PHF19: variants seen among roughly 807,000 people sequenced by gnomAD.
PHF19 encodes the protein PHD finger protein 19, also known as polycomb like 3.
Under a neutral mutation model 79.8 loss-of-function variants are expected in PHF19, and 21 were observed. The observed-to-expected ratio is 0.26, with a 90% CI of 0.19 to 0.38. PHF19 has a LOEUF of 0.38. Ranked by LOEUF, PHF19 falls within the 10% of genes least tolerant of loss-of-function variation. The probability of loss-of-function intolerance (pLI) is 1.00; values close to 1 mark genes in which losing one functional copy is unlikely to be tolerated. For synonymous variants in PHF19, 273 were observed against 296.3 expected (o/e 0.92, Z 0.81); for missense variants, 445 against 744.2 (o/e 0.60, Z 4.68).
In PHF19 at chr9:120,866,101, G is replaced by A. The variant is rs147569426; in HGVS notation, c.711-5C>T. ...GAGCAGAAGAACAGGTAAAACCTGTGGGTGGGTAGAGACGGGGGCCTATGG... is the reference window on the plus strand; with the variant it reads ...GAGCAGAAGAACAGGTAAAACCTGTAGGTGGGTAGAGACGGGGGCCTATGG... On this transcript the variant is annotated splice_polypyrimidine_tract_variant and splice_region_variant and intron_variant, in intron 7 of 14. Transcript: ENST00000373896. The surrounding 1 kb of genome is among the most constrained non-coding windows in gnomAD (Gnocchi z 5.2). The A allele has an allele frequency of 3.4e-3, 5,521 of 1,611,348 alleles. 15 individuals are homozygous for A. The highest frequency in any genetic ancestry group is 4.6e-3 in the Admixed American group (274 of 60,010).
exon 1 of PHF19, chr9:120,894,835 A>T (rs2046386317): frequency 8.1e-7 from 1 of 1,228,128 alleles, no homozygotes; most frequent in African/African-American, 1.6e-5. Flanking sequence ...AGCATAGTGC[A>T]GGGCACGTAG....
At chr9:120,882,319 C>A (rs1257556564) in intron 1 of PHF19, among the ~76,000 whole-genome samples, 1 of 152,206 alleles carries the variant, frequency 6.6e-6, no homozygotes. Context: ...TTCTGCTGTG[C>A]TATTCTATGT....
In PHF19 at chr9:120,862,678, G is replaced by T. The variant is rs749349963; in HGVS notation, c.1040C>A (p.Pro347Gln). 1 of 1,614,116 alleles carries T rather than the reference G, an allele frequency of 6.2e-7. No individual in the cohort carries two copies. The highest frequency in any genetic ancestry group is 8.5e-7 in the Non-Finnish European group (1 of 1,179,952). ...TTTGTCAGGCAGCAGCTTCCCTGGCGGGTTGGGTGGGACGCGGATGCGCAG... is the reference window on the plus strand; with the variant it reads ...TTTGTCAGGCAGCAGCTTCCCTGGCTGGTTGGGTGGGACGCGGATGCGCAG... ...FRLRIRVPPN[P>Q]PGKLLPDKGL... Residue 347 changes from proline to glutamine, a missense_variant, in exon 11 of 15, where the codon CCG (proline) becomes CAG (glutamine). By Grantham distance (76) the Pro-to-Gln change is moderately conservative (BLOSUM62 -1). Around this residue, in one of 5 missense-constraint regions of PHF19, gnomAD observed 83 missense variants for 85.5 expected, o/e 0.97. Coordinates refer to ENST00000373896, the MANE Select transcript of PHF19 (RefSeq NM_015651.3). This position sits in a 1 kb window ranked among gnomAD's most constrained non-coding sequence, Gnocchi z 4.6.
At chr9:120,868,856 C>T (rs1343177286) in intron 6 of PHF19, 1 of 1,090,762 alleles carries the variant, frequency 9.2e-7, no homozygotes, top group Non-Finnish European at 1.1e-6. Context: ...GCCCGCCTCC[C>T]GAGGCCTCGC....
rs959263483 is a variant in PHF19 at position 120,867,186 on chromosome 9, C to T, written c.615-221G>A. ...AAGATGGGACACTGTCCCCATATTA[C>T]AGATAAGTCACAGGTGAAATGGCTT... On this transcript the variant is annotated intron_variant, in intron 6 of 14. Transcript: ENST00000373896. Among the ~76,000 whole-genome samples, 6 of 152,330 alleles carry T rather than the reference C, an allele frequency of 3.9e-5. No individual in the cohort carries two copies. In the East Asian group the frequency reaches 1.2e-3, roughly 29 times the overall value.
chr9:120,882,962 C>G (rs779781676), intron 1 of PHF19, among the ~76,000 whole-genome samples: 7 of 152,014 alleles, frequency 4.6e-5, no homozygotes, highest in Non-Finnish European at 1.0e-4. Context: ...GTTAGACGAG[C>G]CCATGTTTTA....
upstream of PHF19, among the ~76,000 whole-genome samples, chr9:120,878,092 A>G (rs2046117999): frequency 6.6e-6 from 1 of 152,222 alleles, no homozygotes; most frequent in Admixed American, 6.5e-5. Context: ...ATACGGGTTA[A>G]GGATATCAAA....
upstream of PHF19, chr9:120,877,255 G>T (rs947637333): frequency 6.1e-5 from 55 of 905,416 alleles, no homozygotes; most frequent in Non-Finnish European, 7.3e-5. Flanking sequence ...CCGCGGGGAG[G>T]AGGGGGAGGC....
At chr9:120,863,414 C>T (rs2045596482) in intron 10 of PHF19, among the ~76,000 whole-genome samples, 1 of 152,012 alleles carries the variant, frequency 6.6e-6, no homozygotes, top group African/African-American at 2.4e-5. Context: ...CATAGAACAG[C>T]AACTCAATGA....
rs2045377372 is a variant in PHF19, at chr9:120,857,062, T to C, written c.*882A>G. Reference sequence around the variant, plus strand: ...TGGGTGTGTATTGTCTGCTGTGTGGTGTCTGGTGGGTCTGGGGATGGGAGG... The same window carrying C: ...TGGGTGTGTATTGTCTGCTGTGTGGCGTCTGGTGGGTCTGGGGATGGGAGG... On this transcript the variant is annotated 3_prime_UTR_variant, in exon 15 of 15. Transcript: ENST00000373896. 6.6e-6 allele frequency: 1 copy of C among 152,290 alleles called. No individual in the cohort carries two copies. The highest frequency in any genetic ancestry group is 2.4e-5 in the African/African-American group (1 of 41,394). The allele number at this position is 152,290 out of a possible 1,614,324, so 9.4% of individuals were successfully genotyped here. A position where few individuals can be genotyped will look rare whatever the true frequency, so the allele number is the denominator to read the frequency against.
chr9:120,876,333 C>CA (rs1434322577), intron 1 of PHF19: 1 of 152,204 alleles, frequency 6.6e-6, no homozygotes, highest in Admixed American at 6.5e-5. Flanking sequence ...GGCCAGGGGC[C>CA]AGGCCGGGGC....
chr9:120,882,269 G>A (rs1376276202), intron 1 of PHF19, among the ~76,000 whole-genome samples: 1 of 152,142 alleles, frequency 6.6e-6, no homozygotes, highest in Non-Finnish European at 1.5e-5. Flanking sequence ...AGAGAGCCCT[G>A]AGAGAAGGTT....
chr9:120,864,213 T>TA, intron 9 of PHF19, 97 bp from the exon 10 acceptor site: 1 of 1,011,694 alleles, frequency 9.9e-7, no homozygotes. Context: ...CTGATGCTTC[T>TA]GAGTCCTTCA....
rs1048105407 is a variant in PHF19, at chr9:120,856,362, C to G, written c.*1582G>C. On this transcript the variant is annotated 3_prime_UTR_variant, in exon 15 of 15. Coordinates refer to ENST00000373896, the MANE Select transcript of PHF19 (RefSeq NM_015651.3). ...GTCAGGCCTAGCAATGGAAAAACAG[C>G]TCCTGCAGGCCTGCTGCCCCGCCAG... is the stretch of plus-strand genomic sequence containing the variant. 14 of 152,730 alleles carry G rather than the reference C, an allele frequency of 9.2e-5. No individual in the cohort carries two copies. Among genetic ancestry groups the G allele is most frequent in the African/African-American group, 3.4e-4 (14 of 41,582 alleles). The allele number at this position is 152,730 out of a possible 1,614,324, so 9.5% of individuals were successfully genotyped here. A position where few individuals can be genotyped will look rare whatever the true frequency, so the allele number is the denominator to read the frequency against.
Position 120,865,510 on chromosome 9 carries a change from G to A in PHF19, c.900+200C>T, listed in dbSNP as rs574347395. On this transcript the variant is annotated intron_variant, in intron 9 of 14. Transcript: ENST00000373896. ...TCTAGGGCCTCAGCTCCCCTCCACT[G>A]AACTGGGGAGGCCCCAACCTGCCCA... Among the ~76,000 whole-genome samples the A allele has an allele frequency of 2.0e-5, 3 of 152,306 alleles. No individual in the cohort carries two copies. The South Asian group carries it at 6.2e-4, about 32-fold the overall frequency.
rs187601213 is a variant in PHF19 at position 120,866,182 on chromosome 9, C to T, written c.711-86G>A. On this transcript the variant is annotated intron_variant, in intron 7 of 14. Coordinates refer to ENST00000373896, the MANE Select transcript of PHF19 (RefSeq NM_015651.3). This position sits in a 1 kb window ranked among gnomAD's most constrained non-coding sequence, Gnocchi z 5.2. ...CCAGCCCCTTGATCTCCTCATTCCC[C>T]ACCTACCTTCCCATAATCTTCTCAC... 3.1e-4 allele frequency: 298 copies of T among 948,004 alleles called. 1 individual carries two copies. The highest frequency in any genetic ancestry group is 1.4e-3 in the Admixed American group (81 of 56,080). 58.7% of individuals were successfully genotyped at this position (948,004 alleles called of 1,614,324 possible).
chr9:120,895,416 C>T (rs1374910069), upstream of PHF19, among the ~76,000 whole-genome samples: 1 of 148,994 alleles, frequency 6.7e-6, no homozygotes, highest in Non-Finnish European at 1.5e-5. Flanking sequence ...AAGATCCCGT[C>T]TCAAAAAAAT....
chr9:120,876,936 C>G, intron 1 of PHF19, 155 bp downstream of exon 1: 2 of 980,068 alleles, frequency 2.0e-6, no homozygotes, highest in Non-Finnish European at 2.4e-6. Context: ...GTAACCTGCA[C>G]CCCCGGTCCC....
At chr9:120,881,211 G>A (rs1345856881), upstream of PHF19, among the ~76,000 whole-genome samples, 1 of 149,016 alleles carries the variant, frequency 6.7e-6, no homozygotes. Context: ...GCAGTGGCGC[G>A]ATCTCGGCTC....
Sources: gnomAD v4.1 joint callset for allele counts (sites outside exome capture counted in the v4.1 genomes callset) on GRCh38, gnomAD v4.1.1 for gene constraint, gnomAD v4.1.1 regional missense constraint, Gnocchi (gnomAD v3.1) non-coding constraint, MANE v1.5 for transcripts, NCBI Gene and HGNC (gene_info 2026-07-23, HGNC 2026-07-21) for gene names.